Variants in RTL9 observed in about 807,000 individuals in gnomAD.
The protein encoded by RTL9 is retrotransposon Gag like 9.
Under a neutral mutation model 44.7 loss-of-function variants are expected in RTL9, and 19 were observed. That is an observed-to-expected ratio of 0.42 (90% CI 0.30 to 0.62). The LOEUF (loss-of-function observed/expected upper bound fraction) is 0.62. RTL9 is among the 20% of genes least tolerant of loss of function. RTL9 has a pLI of 0.16. For synonymous variants in RTL9, 407 were observed against 398.9 expected (o/e 1.02, Z -0.24); for missense variants, 1,105 against 1,080.6 (o/e 1.02, Z -0.32).
upstream of RTL9, among the ~76,000 whole-genome samples, chrX:110,445,817 A>G (rs1391400164): frequency 1.8e-5 from 2 of 111,804 alleles, no homozygotes; most frequent in African/African-American, 6.5e-5. Context: ...ATCAGTGCAG[A>G]CTGGGTGGGA....
At chrX:110,375,537 GATGA>G (rs72153865) in intron 1 of RTL9, among the ~76,000 whole-genome samples, 13,682 of 109,330 alleles carry the variant, frequency 0.13, 1,567 homozygotes, top group African/African-American at 0.36. Context: ...TGGATGAATA[GATGA>G]ATGAATGAAT....
At chrX:110,400,639 C>T (rs2068558020) in intron 1 of RTL9, among the ~76,000 whole-genome samples, 1 of 111,542 alleles carries the variant, frequency 9.0e-6, no homozygotes, top group Non-Finnish European at 1.9e-5. Flanking sequence ...CTTTCCTTGT[C>T]TGCCTAACAA....
At chrX:110,369,075 G>C (rs969293239) in intron 1 of RTL9, among the ~76,000 whole-genome samples, 1 of 112,255 alleles carries the variant, frequency 8.9e-6, no homozygotes. Flanking sequence ...GCTCACGCCT[G>C]TAATCCCAGC....
intron 1 of RTL9, among the ~76,000 whole-genome samples, chrX:110,388,058 G>A (rs935240221): frequency 2.7e-5 from 3 of 109,911 alleles, no homozygotes; most frequent in Admixed American, 9.6e-5. Flanking sequence ...TAGTAGAGAC[G>A]GGGTTTCATC....
chrX:110,393,834 G>T (rs2068511099), intron 1 of RTL9, among the ~76,000 whole-genome samples: 2 of 112,549 alleles, frequency 1.8e-5, no homozygotes, highest in African/African-American at 6.5e-5. Context: ...TGCCAGGATG[G>T]GCTCCGGCCA....
At chrX:110,441,901 A>C (rs1198476056) in intron 1 of RTL9, among the ~76,000 whole-genome samples, 1 of 111,906 alleles carries the variant, frequency 8.9e-6, no homozygotes, top group Non-Finnish European at 1.9e-5. Context: ...TGAGGTAAGC[A>C]GTATTATTAT....
exon 1 of RTL9, chrX:110,451,739 A>C (rs1157467707): frequency 8.3e-7 from 1 of 1,209,740 alleles, no homozygotes; most frequent in Admixed American, 2.2e-5. Flanking sequence ...CGATGTCCCC[A>C]TGGTCAACAC....
intron 1 of RTL9, among the ~76,000 whole-genome samples, chrX:110,435,686 G>A (rs1235116012): frequency 9.0e-6 from 1 of 111,444 alleles, no homozygotes; most frequent in Non-Finnish European, 1.9e-5. Flanking sequence ...GACACCTTGA[G>A]GACTTCTACT....
chrX:110,450,030 G>A (rs1603021329), upstream of RTL9, among the ~76,000 whole-genome samples: 1 of 111,660 alleles, frequency 9.0e-6, no homozygotes, highest in Admixed American at 9.5e-5. Flanking sequence ...ATGGAATGTT[G>A]CTCTCAGTCA....
intron 1 of RTL9, among the ~76,000 whole-genome samples, chrX:110,382,195 GA>G (rs1382416681): frequency 2.7e-5 from 3 of 110,763 alleles, no homozygotes; most frequent in Non-Finnish European, 5.7e-5. Flanking sequence ...AGGCCATGTG[GA>G]AAAAAACAGA....
At chrX:110,451,131 C>A in exon 1 of RTL9, 1 of 1,212,225 alleles carries the variant, frequency 8.2e-7, no homozygotes, top group South Asian at 1.8e-5. Context: ...AATGCCAGCT[C>A]CATCCTCTGG....
chrX:110,450,284 T>G (rs2068931183), upstream of RTL9, among the ~76,000 whole-genome samples: 1 of 111,599 alleles, frequency 9.0e-6, no homozygotes, highest in Non-Finnish European at 1.9e-5. Flanking sequence ...GCTGCTTTAT[T>G]TGAGTCAGGA....
chrX:110,420,597 A>G (rs1166790642), intron 1 of RTL9, among the ~76,000 whole-genome samples: 4 of 112,180 alleles, frequency 3.6e-5, no homozygotes, highest in Non-Finnish European at 7.5e-5. Flanking sequence ...TAGGACTTAA[A>G]CAAACTTTCA....
chrX:110,454,608 C>T (rs775161082), exon 1 of RTL9: 9 of 1,208,035 alleles, frequency 7.5e-6, no homozygotes, highest in African/African-American at 7.0e-5. Context: ...AGCCTGTAAG[C>T]GGAATAATGA....
chrX:110,418,341 C>G (rs1304393971), upstream of RTL9, among the ~76,000 whole-genome samples: 1 of 112,347 alleles, frequency 8.9e-6, no homozygotes, highest in Non-Finnish European at 1.9e-5. Flanking sequence ...ACTCGAGTCT[C>G]TCACTGTGTA....
intron 1 of RTL9, among the ~76,000 whole-genome samples, chrX:110,372,427 T>C (rs1297474038): frequency 8.9e-6 from 1 of 112,213 alleles, no homozygotes; most frequent in Non-Finnish European, 1.9e-5. Context: ...ATCCTTCCAG[T>C]ATCTTTTTAT....
At chrX:110,391,905 T>TA (rs1269480061) in intron 1 of RTL9, among the ~76,000 whole-genome samples, 1 of 111,977 alleles carries the variant, frequency 8.9e-6, no homozygotes, top group Non-Finnish European at 1.9e-5. Flanking sequence ...GTCAAAGGCT[T>TA]AAAAAAATGT....
At chrX:110,446,200 T>TG (rs1220695561), upstream of RTL9, among the ~76,000 whole-genome samples, 2 of 110,767 alleles carry the variant, frequency 1.8e-5, no homozygotes, top group African/African-American at 6.6e-5. Flanking sequence ...TTGCGGGGAA[T>TG]GGGGGGTGGG....
chrX:110,401,505 G>A (rs1209262970), intron 1 of RTL9, among the ~76,000 whole-genome samples: 1 of 111,527 alleles, frequency 9.0e-6, no homozygotes, highest in Non-Finnish European at 1.9e-5. Flanking sequence ...ATATTTATTG[G>A]TGCCTTCCCA....
Sources: allele counts gnomAD v4.1 joint callset (sites outside exome capture counted in the v4.1 genomes callset), GRCh38; gene constraint gnomAD v4.1.1; transcripts MANE v1.5; gene names NCBI Gene and HGNC (gene_info 2026-07-23, HGNC 2026-07-21).